Variants in ADNP2 observed in about 807,000 individuals in gnomAD.
ADNP2 encodes activity-dependent neuroprotector homeobox protein 2.
In ADNP2, 8 loss-of-function variants were observed where a neutral mutation model predicts 16.4. The ratio of observed to expected loss-of-function variants is 0.49; its 90% CI spans 0.29 to 0.88. The LOEUF (loss-of-function observed/expected upper bound fraction) is 0.88. ADNP2 is among the 40% of genes least tolerant of loss of function. The pLI is 0.09. For missense variants in ADNP2, 1,397 were observed against 1,395.1 expected, an observed-to-expected ratio of 1.00 and a Z score of -0.02; for synonymous variants, 637 against 545.8, an observed-to-expected ratio of 1.17 and a Z score of -2.33.
intron 2 of ADNP2, among the ~76,000 whole-genome samples, chr18:80,132,324 C>T (rs1342395261): frequency 6.6e-6 from 1 of 152,162 alleles, no homozygotes; most frequent in Non-Finnish European, 1.5e-5. Flanking sequence ...TGCATGGTTG[C>T]ATCTGTACTG....
rs545841754 is a variant in ADNP2 at position 80,112,278 on chromosome 18, G to A, written c.-14+2806G>A. Among the ~76,000 whole-genome samples, 12 of 152,272 alleles carry A rather than the reference G, an allele frequency of 7.9e-5. No homozygotes were observed. The East Asian group carries it at 1.9e-3, about 25-fold the overall frequency. The stretch of plus-strand genomic sequence containing the variant: ...ATGCTATAAGAATGGATCTAAGAAT[G>A]AATAAATTGTGGTAGCTTAGAATGG... On this transcript the variant is annotated intron_variant, in intron 1 of 3. Transcript: ENST00000262198.
rs754396476 is a variant in ADNP2, at chr18:80,138,419, C to T, written c.3006C>T (p.Ala1002=). ...AGGAGCAGCCTCCCATCCTAAATGC[C>T]GATGCAGCCCCGGGTCCAGAAAAGG... ...HGEEQPPILN[A]DAAPGPEKVT... is the part of the protein sequence containing the mutation. The change falls in exon 4 of 4, where the codon GCC becomes GCT. Residue 1002 remains alanine (A), a synonymous_variant. Coordinates refer to ENST00000262198, the MANE Select transcript of ADNP2 (RefSeq NM_014913.4). 28 of 1,613,852 alleles carry T rather than the reference C, an allele frequency of 1.7e-5. No homozygotes were observed. The highest frequency in any genetic ancestry group is 4.0e-5 in the African/African-American group (3 of 74,892).
intron 2 of ADNP2, among the ~76,000 whole-genome samples, chr18:80,124,170 G>A (rs1434790264): frequency 1.1e-4 from 17 of 152,188 alleles, no homozygotes; most frequent in Non-Finnish European, 4.4e-5. Context: ...TCAGTTTTAG[G>A]TAATTAGTGT....
chr18:80,117,827 C>G (rs529923336), intron 2 of ADNP2, among the ~76,000 whole-genome samples, 177 bp downstream of exon 2: 41 of 152,270 alleles, frequency 2.7e-4, no homozygotes, highest in African/African-American at 9.6e-4. Context: ...TTAAGCTGTT[C>G]AGGTTTTTAA....
chr18:80,129,102 TTTG>T (rs1279008157), intron 2 of ADNP2, among the ~76,000 whole-genome samples: 13 of 88,222 alleles, frequency 1.5e-4, no homozygotes, highest in Admixed American at 5.0e-4. Context: ...GAACTTTTTT[TTTG>T]TTTTTTTTTT....
intron 2 of ADNP2, among the ~76,000 whole-genome samples, chr18:80,124,986 AGTTGTAT>A (rs1312405217): frequency 1.3e-5 from 2 of 152,188 alleles, no homozygotes; most frequent in Non-Finnish European, 1.5e-5. Flanking sequence ...GGGTTTTAGG[AGTTGTAT>A]GTCAGGAAAT....
At chr18:80,110,147 GAT>G (rs901823572) in intron 1 of ADNP2, 5 of 152,172 alleles carry the variant, frequency 3.3e-5, no homozygotes, top group Admixed American at 6.5e-5. Context: ...ATCAATAATT[GAT>G]ATACAGATGT....
At chr18:80,134,938 G>A (rs531966069) in intron 3 of ADNP2, among the ~76,000 whole-genome samples, 9 of 152,278 alleles carry the variant, frequency 5.9e-5, no homozygotes, top group Middle Eastern at 3.4e-3. Flanking sequence ...GTAATGATGG[G>A]TTTAACATTT....
At chr18:80,130,349 C>T (rs370661752) in intron 2 of ADNP2, among the ~76,000 whole-genome samples, 12 of 152,260 alleles carry the variant, frequency 7.9e-5, no homozygotes, top group African/African-American at 2.2e-4. Flanking sequence ...CCATATCACG[C>T]GATTATGGAC....
intron 1 of ADNP2, among the ~76,000 whole-genome samples, chr18:80,114,660 A>G (rs115982555): frequency 9.2e-5 from 14 of 152,338 alleles, no homozygotes; most frequent in African/African-American, 3.4e-4. Flanking sequence ...ATCACTGTAT[A>G]CCAAACCACC....
intron 2 of ADNP2, among the ~76,000 whole-genome samples, chr18:80,124,207 A>T (rs2052443595): frequency 1.3e-5 from 2 of 152,132 alleles, no homozygotes; most frequent in South Asian, 4.1e-4. Context: ...CCATTACATC[A>T]AGTTAATTTT....
Position 80,135,691 on chromosome 18 carries a change from A to G in ADNP2, c.278A>G (p.His93Arg), listed in dbSNP as rs772830301. The G allele has an allele frequency of 6.8e-6, 11 of 1,614,120 alleles. No homozygotes were observed. Among genetic ancestry groups the G allele is most frequent in the Admixed American group, 6.7e-5 (4 of 60,008 alleles). Reference protein sequence around the residue: ...KVLTSFKNHLHRYHEDEIDQE... With the variant: ...KVLTSFKNHLRRYHEDEIDQE... ...CTTACTTCATTCAAGAATCATTTAC[A>G]TCGTTACCATGAAGATGAAATTGAC... Residue 93 changes from histidine to arginine, a missense_variant, in exon 4 of 4, where the codon CAT becomes CGT. By Grantham distance (29) the His-to-Arg change is conservative. Around this residue, in one of 3 missense-constraint regions of ADNP2, gnomAD observed 777 missense variants for 719.4 expected, o/e 1.08. Coordinates refer to ENST00000262198, the MANE Select transcript of ADNP2 (RefSeq NM_014913.4).
At chr18:80,122,876 G>C (rs1448598019) in intron 2 of ADNP2, among the ~76,000 whole-genome samples, 2 of 152,196 alleles carry the variant, frequency 1.3e-5, no homozygotes, top group Non-Finnish European at 2.9e-5. Context: ...GGGGGTCCTT[G>C]TCTTGTTCCT....
At chr18:80,128,092 A>G (rs995736756) in intron 2 of ADNP2, among the ~76,000 whole-genome samples, 2 of 152,250 alleles carry the variant, frequency 1.3e-5, no homozygotes, top group Non-Finnish European at 2.9e-5. Flanking sequence ...TAATGACTTC[A>G]TAATTACTGT....
In ADNP2 at chr18:80,136,653, G is replaced by T. The variant is rs756434536; in HGVS notation, c.1240G>T (p.Val414Phe). Residue 414 changes from valine to phenylalanine, a missense_variant, in exon 4 of 4, where the codon GTT (valine) becomes TTT (phenylalanine). Physicochemically the swap from Val to Phe is conservative, Grantham distance 50 (BLOSUM62 -1). Transcript: ENST00000262198. ...GCCTGTGGGACCCATAAACAGACCT[G>T]TTGGGCCTGGTGTTCTTCCTGTGAG... ...TQPVGPINRP[V>F]GPGVLPVSPS... 14 of 1,613,728 alleles carry T rather than the reference G, an allele frequency of 8.7e-6. No homozygotes were observed. The South Asian group carries it at 1.3e-4, about 15-fold the overall frequency.
chr18:80,115,563 T>A (rs2052383828), intron 1 of ADNP2, among the ~76,000 whole-genome samples: 1 of 152,238 alleles, frequency 6.6e-6, no homozygotes, highest in African/African-American at 2.4e-5. Context: ...TCTGGTCAAG[T>A]ACTACAGGGT....
chr18:80,109,776 G>C (rs762517914), intron 1 of ADNP2: 1 of 151,878 alleles, frequency 6.6e-6, no homozygotes, highest in Non-Finnish European at 1.5e-5. Context: ...ATGGGGACCT[G>C]AGGGGAGAGT....
intron 2 of ADNP2, among the ~76,000 whole-genome samples, chr18:80,124,779 A>G (rs1165995986): frequency 6.6e-6 from 1 of 152,240 alleles, no homozygotes; most frequent in African/African-American, 2.4e-5. Context: ...TCATCTCATT[A>G]GCACACAAAA....
At chr18:80,134,386 A>AGT (rs34515123) in intron 3 of ADNP2, among the ~76,000 whole-genome samples, 23,169 of 146,098 alleles carry the variant, frequency 0.16, 2,169 homozygotes, top group South Asian at 0.34. Context: ...AGAATGGAAG[A>AGT]GTGTGTGTGT....
Sources: allele counts gnomAD v4.1 joint callset (sites outside exome capture counted in the v4.1 genomes callset), GRCh38; gene constraint gnomAD v4.1.1; regional missense constraint gnomAD v4.1.1; transcripts MANE v1.5; gene names NCBI Gene and HGNC (gene_info 2026-07-23, HGNC 2026-07-21).